The following KCND2 variants were observed in gnomAD, a reference collection of about 807,000 sequenced individuals.
KCND2 encodes the protein potassium voltage-gated channel subfamily D member 2.
A neutral mutation model predicts 54.4 loss-of-function variants in KCND2; 16 were observed. The observed-to-expected ratio is 0.29, with a 90% CI of 0.20 to 0.45. KCND2 has a LOEUF of 0.45. KCND2 is among the 20% of genes least tolerant of loss of function. KCND2 has a pLI of 1.00. For missense variants in KCND2, 486 were observed against 824.2 expected (o/e 0.59, Z 5.02); for synonymous variants, 317 against 310.7 (o/e 1.02, Z -0.21).
chr7:120,681,061 C>T (rs1027988512), intron 1 of KCND2, among the ~76,000 whole-genome samples: 10 of 151,972 alleles, frequency 6.6e-5, no homozygotes, highest in Admixed American at 2.6e-4. Flanking sequence ...ATAATTTGAA[C>T]AATTTATTCA....
intron 1 of KCND2, among the ~76,000 whole-genome samples, chr7:120,714,022 C>T (rs1792572839): frequency 6.6e-6 from 1 of 152,102 alleles, no homozygotes; most frequent in African/African-American, 2.4e-5. Context: ...ATATTTTGCT[C>T]ACTGGAGGAT....
At chr7:120,500,077 T>A (rs370877532) in intron 1 of KCND2, among the ~76,000 whole-genome samples, 27 of 152,346 alleles carry the variant, frequency 1.8e-4, no homozygotes, top group African/African-American at 6.3e-4. Flanking sequence ...GTGGGCTTTC[T>A]TAGTCCCAAA....
At chr7:120,729,517 G>A (rs1792778777) in intron 1 of KCND2, among the ~76,000 whole-genome samples, 1 of 152,148 alleles carries the variant, frequency 6.6e-6, no homozygotes, top group Admixed American at 6.5e-5. Flanking sequence ...GGACAGCCTG[G>A]ACTGTCTTAG....
intron 1 of KCND2, among the ~76,000 whole-genome samples, chr7:120,486,320 C>T (rs865839622): frequency 6.6e-6 from 1 of 152,020 alleles, no homozygotes; most frequent in Admixed American, 6.6e-5. Context: ...CTTTGTAGAA[C>T]TAAAAACAAT....
intron 1 of KCND2, among the ~76,000 whole-genome samples, chr7:120,729,484 CTGTCCTT>C (rs1562922129): frequency 1.3e-5 from 2 of 152,188 alleles, no homozygotes; most frequent in Non-Finnish European, 2.9e-5. Flanking sequence ...AGGGCTCAGG[CTGTCCTT>C]ACATGAGAAA....
intron 1 of KCND2, among the ~76,000 whole-genome samples, chr7:120,314,248 C>T (rs545710230): frequency 9.4e-4 from 143 of 151,366 alleles, no homozygotes; most frequent in African/African-American, 3.2e-3. Context: ...TTTCAAAATG[C>T]ATTGAACCCG....
Position 120,747,790 on chromosome 7 carries a change from G to C in KCND2, c.1825G>C (p.Glu609Gln). 1 of 1,612,744 alleles carries C rather than the reference G, an allele frequency of 6.2e-7. No homozygotes were observed. The highest frequency in any genetic ancestry group is 1.1e-5 in the South Asian group (1 of 91,052). Residue 609 changes from glutamate (E) to glutamine (Q), a missense_variant, in exon 6 of 6, where the codon GAA (glutamate) becomes CAA (glutamine). Around this residue, in one of 7 missense-constraint regions of KCND2, gnomAD observed 202 missense variants for 252.7 expected, o/e 0.80. Coordinates refer to ENST00000331113, the MANE Select transcript of KCND2 (RefSeq NM_012281.3). ...CCCAACACCTCCAGTAACCACACCA[G>C]AAGGAGACGATAGGCCAGAATCCCC... is the stretch of plus-strand genomic sequence containing the variant. Reference protein sequence around the residue: ...SIPTPPVTTPEGDDRPESPEY... With the variant: ...SIPTPPVTTPQGDDRPESPEY...
At chr7:120,503,385 T>TGTGAGA (rs1802965582) in intron 1 of KCND2, among the ~76,000 whole-genome samples, 1 of 146,580 alleles carries the variant, frequency 6.8e-6, no homozygotes, top group African/African-American at 2.5e-5. Flanking sequence ...GTCTCTAGAG[T>TGTGAGA]GAGAGAGAGA....
At chr7:120,684,624 G>T (rs768898102) in intron 1 of KCND2, among the ~76,000 whole-genome samples, 3 of 152,064 alleles carry the variant, frequency 2.0e-5, no homozygotes, top group Non-Finnish European at 2.9e-5. Context: ...TTACAGCAGG[G>T]CTCCTCGATT....
At chr7:120,389,701 A>T (rs1801044430) in intron 1 of KCND2, among the ~76,000 whole-genome samples, 1 of 151,914 alleles carries the variant, frequency 6.6e-6, no homozygotes, top group Admixed American at 6.6e-5. Context: ...CAGTATTGTT[A>T]TATTTAAATT....
At chr7:120,351,749 A>G (rs1456510560) in intron 1 of KCND2, among the ~76,000 whole-genome samples, 1 of 151,972 alleles carries the variant, frequency 6.6e-6, no homozygotes, top group Non-Finnish European at 1.5e-5. Flanking sequence ...ATCTCCTGGC[A>G]CTATATACTA....
At chr7:120,545,502 C>T (rs1189733097) in intron 1 of KCND2, among the ~76,000 whole-genome samples, 2 of 151,802 alleles carry the variant, frequency 1.3e-5, no homozygotes, top group Non-Finnish European at 2.9e-5. Flanking sequence ...AAGCTCTATT[C>T]TTGAAGATGA....
At chr7:120,682,095 G>A (rs993690563) in intron 1 of KCND2, among the ~76,000 whole-genome samples, 14 of 151,982 alleles carry the variant, frequency 9.2e-5, no homozygotes, top group Non-Finnish European at 8.8e-5. Flanking sequence ...CTGAGAGAAC[G>A]TAAGTTATCA....
intron 1 of KCND2, among the ~76,000 whole-genome samples, chr7:120,419,576 G>A (rs1448499305): frequency 6.6e-6 from 1 of 152,076 alleles, no homozygotes; most frequent in African/African-American, 2.4e-5. Context: ...AGAGCATTTT[G>A]ATTCACAATG....
intron 1 of KCND2, among the ~76,000 whole-genome samples, chr7:120,438,729 A>G (rs1206553072): frequency 5.9e-5 from 9 of 152,118 alleles, no homozygotes; most frequent in Non-Finnish European, 1.2e-4. Flanking sequence ...TATTATGGGA[A>G]GGGGAAAGTA....
At chr7:120,393,320 C>T (rs542264518) in intron 1 of KCND2, among the ~76,000 whole-genome samples, 43 of 152,052 alleles carry the variant, frequency 2.8e-4, no homozygotes, top group Middle Eastern at 3.4e-3. Flanking sequence ...CCAAACTCAT[C>T]GGGAGCACCA....
At chr7:120,596,721 G>A (rs898786812) in intron 1 of KCND2, among the ~76,000 whole-genome samples, 12 of 110,320 alleles carry the variant, frequency 1.1e-4, no homozygotes, top group African/African-American at 1.9e-4. Flanking sequence ...ATCCTGTTAC[G>A]GTTACCATAC....
At chr7:120,650,972 G>A (rs930198026) in intron 1 of KCND2, among the ~76,000 whole-genome samples, 1 of 143,114 alleles carries the variant, frequency 7.0e-6, no homozygotes, top group Non-Finnish European at 1.5e-5. Context: ...TCGTTCCTCT[G>A]GAAGCTTCAT....
chr7:120,584,539 A>G (rs1336896871), intron 1 of KCND2, among the ~76,000 whole-genome samples: 1 of 152,246 alleles, frequency 6.6e-6, no homozygotes, highest in African/African-American at 2.4e-5. Context: ...AGCATTTGAA[A>G]CAGGTACATG....
Sources: allele counts gnomAD v4.1 joint callset (sites outside exome capture counted in the v4.1 genomes callset), GRCh38; gene constraint gnomAD v4.1.1; regional missense constraint gnomAD v4.1.1; transcripts MANE v1.5; gene names NCBI Gene and HGNC (gene_info 2026-07-23, HGNC 2026-07-21).